Variants in NR2C2 observed in about 807,000 individuals in gnomAD.
NR2C2 encodes the protein Nuclear hormone receptor TR4.
A neutral mutation model predicts 62.9 loss-of-function variants in NR2C2; 6 were observed. The observed-to-expected ratio is 0.10, with a 90% CI of 0.05 to 0.19. The LOEUF (loss-of-function observed/expected upper bound fraction) is 0.19. Ranked by LOEUF, NR2C2 falls within the 10% of genes least tolerant of loss-of-function variation. The probability of loss-of-function intolerance (pLI) is 1.00; values close to 1 mark genes in which losing one functional copy is unlikely to be tolerated. For synonymous variants in NR2C2, 272 were observed against 273.8 expected (o/e 0.99, Z 0.07); for missense variants, 479 against 762.7 (o/e 0.63, Z 4.38).
At chr3:14,961,408 A>C (rs2039683296) in intron 1 of NR2C2, among the ~76,000 whole-genome samples, 1 of 152,236 alleles carries the variant, frequency 6.6e-6, no homozygotes, top group African/African-American at 2.4e-5. Context: ...AGGCAAATGA[A>C]CTGTAATTTT....
chr3:15,021,322 T>C (rs776850882), intron 5 of NR2C2, among the ~76,000 whole-genome samples: 47 of 152,328 alleles, frequency 3.1e-4, no homozygotes, highest in South Asian at 6.2e-4. Context: ...ACCTTACTTA[T>C]ATATTGCTCC....
intron 9 of NR2C2, among the ~76,000 whole-genome samples, chr3:15,031,585 C>G (rs1245674905): frequency 1.3e-5 from 2 of 152,046 alleles, no homozygotes; most frequent in African/African-American, 4.8e-5. Context: ...GTTGCCCAAG[C>G]TGGTCTCAAA....
In NR2C2 at chr3:15,033,030, C is replaced by T. The variant is rs1229204432; in HGVS notation, c.1232+530C>T. On this transcript the variant is annotated intron_variant, in intron 10 of 13. Coordinates refer to ENST00000425241, the MANE Select transcript of NR2C2 (RefSeq NM_001291694.2). ...ATGTTTCTCCTCTAAATACCAGCATCGGCTCTGCCAGTGTGCCAAGTGCTG... is the reference window on the plus strand; with the variant it reads ...ATGTTTCTCCTCTAAATACCAGCATTGGCTCTGCCAGTGTGCCAAGTGCTG... 3.3e-5 allele frequency among the ~76,000 whole-genome samples: 5 copies of T among 150,978 alleles called. No individual in the cohort carries two copies. In the South Asian group the frequency reaches 6.4e-4, roughly 19 times the overall value.
At chr3:14,993,403 G>A (rs555439160) in intron 1 of NR2C2, among the ~76,000 whole-genome samples, 6 of 150,592 alleles carry the variant, frequency 4.0e-5, no homozygotes, top group African/African-American at 9.8e-5. Context: ...ACAGTGAGCC[G>A]AAGCTGCATC....
At chr3:15,039,878 C>T (rs1231549047) in intron 13 of NR2C2, among the ~76,000 whole-genome samples, 1 of 152,104 alleles carries the variant, frequency 6.6e-6, no homozygotes, top group Non-Finnish European at 1.5e-5. Flanking sequence ...GGACCGGGCA[C>T]GGTGGCTCAC....
intron 1 of NR2C2, among the ~76,000 whole-genome samples, chr3:14,985,908 C>T (rs2040501688): frequency 6.6e-6 from 1 of 152,124 alleles, no homozygotes; most frequent in Non-Finnish European, 1.5e-5. Flanking sequence ...AAATTAAAAG[C>T]TATCTGGGTC....
chr3:14,972,859 A>G (rs1019049749), intron 1 of NR2C2, among the ~76,000 whole-genome samples: 5 of 152,078 alleles, frequency 3.3e-5, no homozygotes, highest in Non-Finnish European at 7.4e-5. Context: ...CACACTTTTA[A>G]ACAACCAGAT....
rs920096023 is a variant in NR2C2, at chr3:15,032,018, C to T, written c.1111-361C>T. On this transcript the variant is annotated intron_variant, in intron 9 of 13. Transcript: ENST00000425241. ...TGCTGGGATTACAGGCATGAGCCAC[C>T]CGCACCTGGCCCCTGTTCCCCAGAT... is the stretch of plus-strand genomic sequence containing the variant. Among the ~76,000 whole-genome samples the T allele has an allele frequency of 2.0e-5, 3 of 151,978 alleles. No homozygotes were observed. In the South Asian group the frequency reaches 6.2e-4, roughly 32 times the overall value.
chr3:15,024,092 G>T, intron 6 of NR2C2, 23 bp from the exon 7 acceptor site: 1 of 1,539,294 alleles, frequency 6.5e-7, no homozygotes, highest in South Asian at 1.1e-5. Context: ...AAGCTACTCT[G>T]AGTTTCTTTA....
chr3:15,021,995 A>G (rs1395809151), intron 5 of NR2C2, among the ~76,000 whole-genome samples: 2 of 152,238 alleles, frequency 1.3e-5, no homozygotes, highest in African/African-American at 4.8e-5. Flanking sequence ...ACTGGCCCAC[A>G]TTGCCAAGCT....
intron 1 of NR2C2, among the ~76,000 whole-genome samples, chr3:14,970,264 C>T (rs867334045): frequency 8.4e-4 from 15 of 17,964 alleles, no homozygotes; most frequent in Admixed American, 1.5e-3. Context: ...TTTTGGGGGC[C>T]GGGGGTGGGG....
At chr3:15,001,788 T>G (rs1466903261) in intron 1 of NR2C2, among the ~76,000 whole-genome samples, 1 of 152,120 alleles carries the variant, frequency 6.6e-6, no homozygotes, top group African/African-American at 2.4e-5. Context: ...CACCTGATTT[T>G]TTGATTTTTT....
At position 15,019,035 on chromosome 3, in the gene NR2C2, AAAAAGATTTTATTTTT is replaced by A. The variant is rs1458758922; in HGVS notation, c.377-1716_377-1701del. Among the ~76,000 whole-genome samples, 351 of 149,240 alleles carry A rather than the reference AAAAAGATTTTATTTTT, an allele frequency of 2.4e-3. 6 individuals are homozygous for A. The highest frequency in any genetic ancestry group is 0.021 in the East Asian group (106 of 5,124). The stretch of plus-strand genomic sequence containing the variant: ...TTGTCTTAAAAAAAAAAAAAAAAAA[AAAAAGATTTTATTTTT>A]ATAAAATCTTATAAAAATAAAAAAA... On this transcript the variant is annotated intron_variant, in intron 4 of 13. Transcript: ENST00000425241.
chr3:14,988,542 C>G (rs550531782), intron 1 of NR2C2, among the ~76,000 whole-genome samples: 1 of 152,312 alleles, frequency 6.6e-6, no homozygotes, highest in South Asian at 2.1e-4. Flanking sequence ...GATCTCTTGA[C>G]CTCAATGGTT....
rs997070240 is a variant in NR2C2, at chr3:14,983,462, T to C, written c.-39-20414T>C. Among the ~76,000 whole-genome samples, 83 of 146,886 alleles carry C rather than the reference T, an allele frequency of 5.7e-4. 1 individual carries two copies. The highest frequency in any genetic ancestry group is 3.1e-3 in the South Asian group (14 of 4,568). ...AGGTTAATCTGGATTATACTCTTTA[T>C]ACACACACACACACACACACACACA... On this transcript the variant is annotated intron_variant, in intron 1 of 13. Transcript: ENST00000425241.
At chr3:14,978,050 T>A in intron 1 of NR2C2, among the ~76,000 whole-genome samples, 2 of 146,860 alleles carry the variant, frequency 1.4e-5, no homozygotes, top group African/African-American at 2.5e-5. Context: ...ACACAAGAAA[T>A]AAAAATATTA....
At chr3:15,038,292 A>G (rs565281588) in intron 12 of NR2C2, 155 bp downstream of exon 12, 1 of 704,346 alleles carries the variant, frequency 1.4e-6, no homozygotes, top group African/African-American at 1.8e-5. Context: ...ATAAATACAT[A>G]AACGCTTTTA....
chr3:14,972,162 T>C (rs1369358229), intron 1 of NR2C2, among the ~76,000 whole-genome samples: 1 of 150,834 alleles, frequency 6.6e-6, no homozygotes, highest in Admixed American at 6.6e-5. Context: ...TCTTTTTTTT[T>C]TCTTTTTCTT....
chr3:15,025,579 A>G (rs1213445353), intron 7 of NR2C2: 2 of 152,216 alleles, frequency 1.3e-5, no homozygotes, highest in East Asian at 1.9e-4. Context: ...AACATATGCA[A>G]AGCACCCACA....
Sources: gnomAD v4.1 joint callset for allele counts (sites outside exome capture counted in the v4.1 genomes callset) on GRCh38, gnomAD v4.1.1 for gene constraint, MANE v1.5 for transcripts, NCBI Gene and HGNC (gene_info 2026-07-23, HGNC 2026-07-21) for gene names.